ROBO2: variants seen among roughly 807,000 people sequenced by gnomAD.
The protein encoded by ROBO2 is roundabout guidance receptor 2.
ROBO2 carries 53 observed loss-of-function variants against 160.8 expected under a neutral mutation model. The ratio of observed to expected loss-of-function variants is 0.33; its 90% CI spans 0.26 to 0.41. The LOEUF is 0.41. Among genes scored for constraint, ROBO2 ranks in the 10% least tolerant of loss-of-function variants. The pLI is 1.00. For synonymous variants in ROBO2, 664 were observed against 611.7 expected (o/e 1.09, Z -1.26); for missense variants, 1,577 against 1,722.4 (o/e 0.92, Z 1.49).
intron 2 of ROBO2, among the ~76,000 whole-genome samples, chr3:76,797,799 G>T (rs965617352): frequency 1.1e-4 from 17 of 151,432 alleles, no homozygotes; most frequent in Non-Finnish European, 1.8e-4. Context: ...AAACTATATG[G>T]CAAAAAAAAT....
At chr3:76,794,144 G>A (rs2063542633) in intron 2 of ROBO2, among the ~76,000 whole-genome samples, 1 of 151,680 alleles carries the variant, frequency 6.6e-6, no homozygotes, top group Non-Finnish European at 1.5e-5. Flanking sequence ...GAATGGTGCA[G>A]AATTCATACC....
intron 2 of ROBO2, among the ~76,000 whole-genome samples, chr3:77,026,615 G>A (rs901829236): frequency 2.6e-5 from 4 of 152,142 alleles, no homozygotes; most frequent in African/African-American, 9.7e-5. Context: ...GAAATCCTTC[G>A]AAATATCTTC....
At chr3:77,180,491 A>G (rs2080668760) in intron 2 of ROBO2, among the ~76,000 whole-genome samples, 1 of 137,180 alleles carries the variant, frequency 7.3e-6, no homozygotes. Flanking sequence ...GCTAGAGTGC[A>G]GTGGGATGAT....
chr3:77,446,499 T>C (rs974540781), intron 2 of ROBO2, among the ~76,000 whole-genome samples: 4 of 152,106 alleles, frequency 2.6e-5, no homozygotes, highest in Admixed American at 2.6e-4. Context: ...TCAAAATAAG[T>C]ATATATCCAT....
At chr3:77,536,556 A>T (rs543684704) in intron 6 of ROBO2, among the ~76,000 whole-genome samples, 7 of 151,900 alleles carry the variant, frequency 4.6e-5, no homozygotes, top group Non-Finnish European at 8.8e-5. Flanking sequence ...TACAACCTTC[A>T]TTGTATTGTA....
At chr3:77,187,293 A>G (rs1023285646) in intron 2 of ROBO2, among the ~76,000 whole-genome samples, 2 of 151,996 alleles carry the variant, frequency 1.3e-5, no homozygotes, top group Non-Finnish European at 1.5e-5. Context: ...TTAATAACAC[A>G]TTCAGGTTAA....
chr3:77,469,590 T>C (rs2153578885), intron 2 of ROBO2, among the ~76,000 whole-genome samples: 1 of 152,300 alleles, frequency 6.6e-6, no homozygotes, highest in South Asian at 2.1e-4. Context: ...TACCTATAAT[T>C]TGTGCTACCA....
intron 2 of ROBO2, among the ~76,000 whole-genome samples, chr3:76,942,987 T>C (rs1037016838): frequency 1.2e-4 from 19 of 152,236 alleles, no homozygotes; most frequent in Admixed American, 1.2e-3. Context: ...TTTATTATTA[T>C]TATTTTAACC....
chr3:76,305,082 G>T (rs1045361400), intron 2 of ROBO2, among the ~76,000 whole-genome samples: 3 of 151,958 alleles, frequency 2.0e-5, no homozygotes, highest in African/African-American at 7.3e-5. Flanking sequence ...TAACTGTTCT[G>T]TGGTCATCTT....
intron 2 of ROBO2, among the ~76,000 whole-genome samples, chr3:77,324,848 A>G (rs1227826066): frequency 1.3e-5 from 2 of 151,292 alleles, no homozygotes; most frequent in African/African-American, 4.9e-5. Flanking sequence ...TTTTTAAACT[A>G]GCGCGTGTTT....
chr3:75,989,017 T>C (rs1257242220), intron 2 of ROBO2, among the ~76,000 whole-genome samples: 3 of 152,298 alleles, frequency 2.0e-5, no homozygotes, highest in Non-Finnish European at 4.4e-5. Context: ...TTTATAAAGA[T>C]ACTTCACATT....
chr3:76,063,434 C>G (rs2068133781), intron 2 of ROBO2, among the ~76,000 whole-genome samples: 1 of 151,242 alleles, frequency 6.6e-6, no homozygotes, highest in African/African-American at 2.4e-5. Flanking sequence ...CCTTGATTCC[C>G]TTTGGGCTCA....
intron 2 of ROBO2, among the ~76,000 whole-genome samples, chr3:76,912,574 A>G (rs747557818): frequency 1.1e-4 from 17 of 152,190 alleles, no homozygotes; most frequent in Non-Finnish European, 1.9e-4. Context: ...TGTTCTTACA[A>G]TTTTTAATCG....
At chr3:77,380,718 T>TTCCC (rs1378983774) in intron 2 of ROBO2, among the ~76,000 whole-genome samples, 1 of 138,990 alleles carries the variant, frequency 7.2e-6, no homozygotes, top group African/African-American at 2.6e-5. Context: ...CCTTCCTTCC[T>TTCCC]TCCCTCCTTC....
At chr3:76,886,632 G>A (rs770445076) in intron 2 of ROBO2, among the ~76,000 whole-genome samples, 3 of 152,080 alleles carry the variant, frequency 2.0e-5, no homozygotes, top group Non-Finnish European at 4.4e-5. Context: ...GCAAATAGAA[G>A]TTGGCAAGGG....
intron 19 of ROBO2, among the ~76,000 whole-genome samples, chr3:77,597,655 A>G (rs2094337877): frequency 6.6e-6 from 1 of 152,152 alleles, no homozygotes; most frequent in Non-Finnish European, 1.5e-5. Context: ...AAGCTCTATG[A>G]ACAGAATATT....
intron 2 of ROBO2, among the ~76,000 whole-genome samples, chr3:76,096,279 G>C (rs999056126): frequency 6.6e-6 from 1 of 152,010 alleles, no homozygotes; most frequent in Admixed American, 6.6e-5. Context: ...ATAACTTTGA[G>C]ATAATAAACT....
chr3:76,207,266 A>C (rs1239021011), intron 2 of ROBO2, among the ~76,000 whole-genome samples: 1 of 152,150 alleles, frequency 6.6e-6, no homozygotes, highest in Non-Finnish European at 1.5e-5. Flanking sequence ...ACTGTTTTGC[A>C]GTTTAACCGA....
rs576634163 is a variant in ROBO2 at position 75,935,815 on chromosome 3, T to G, written c.-13-1666T>G. On this transcript the variant is annotated intron_variant, in intron 1 of 26. Coordinates refer to the ROBO2 transcript ENST00000487694. ...GGAGATCTAGAACTAAATTCCTGCT[T>G]AGTGTTTACTTGTTCAGAGCATAGG... is the stretch of plus-strand genomic sequence containing the variant. Among the ~76,000 whole-genome samples the G allele has an allele frequency of 3.3e-3, 508 of 152,310 alleles. 2 individuals are homozygous for G. Among genetic ancestry groups the G allele is most frequent in the African/African-American group, 0.012 (495 of 41,572 alleles).
Sources: gnomAD v4.1 joint callset for allele counts (sites outside exome capture counted in the v4.1 genomes callset) on GRCh38, gnomAD v4.1.1 for gene constraint, MANE v1.5 for transcripts, NCBI Gene and HGNC (gene_info 2026-07-23, HGNC 2026-07-21) for gene names.